The following SESN1 variants were observed in gnomAD, a reference collection of about 807,000 sequenced individuals.
The protein encoded by SESN1 is sestrin-1.
SESN1 carries 30 observed loss-of-function variants against 59.3 expected under a neutral mutation model. That is an observed-to-expected ratio of 0.51 (90% CI 0.38 to 0.69). The LOEUF (loss-of-function observed/expected upper bound fraction) is 0.69, where lower values mean the gene tolerates loss of function less well. Among genes scored for constraint, SESN1 ranks in the 30% least tolerant of loss-of-function variants. SESN1 has a pLI of 0.00. For synonymous variants in SESN1, 197 were observed against 219.9 expected (o/e 0.90, Z 0.92); for missense variants, 566 against 673.0 (o/e 0.84, Z 1.76).
In SESN1 at chr6:108,987,148, ATCT is replaced by A. The variant is rs1479110600; in HGVS notation, c.*393_*395del. On this transcript the variant is annotated 3_prime_UTR_variant, in exon 10 of 10. Coordinates refer to ENST00000436639, the MANE Select transcript of SESN1 (RefSeq NM_014454.3). ...CTCCAGCAGGAATAGCAGCACCAAG[ATCT>A]TCTAAAATTCTTTACATATAAAGCT... 6.3e-6 allele frequency: 1 copy of A among 159,624 alleles called. No individual in the cohort carries two copies. Among genetic ancestry groups the A allele is most frequent in the African/African-American group, 2.4e-5 (1 of 41,826 alleles). 9.9% of individuals were successfully genotyped at this position (159,624 alleles called of 1,614,324 possible). A position where few individuals can be genotyped will look rare whatever the true frequency, so the allele number is the denominator to read the frequency against.
At chr6:109,008,888 T>C (rs1779791759) in intron 1 of SESN1, 3 of 986,326 alleles carry the variant, frequency 3.0e-6, no homozygotes, top group Non-Finnish European at 3.6e-6. Flanking sequence ...TTTTTTTTCT[T>C]TCTCTCTCTT....
intron 1 of SESN1, among the ~76,000 whole-genome samples, chr6:109,009,158 C>T (rs1779802032): frequency 6.6e-6 from 1 of 152,218 alleles, no homozygotes; most frequent in Admixed American, 6.5e-5. Flanking sequence ...CCACCCACCG[C>T]AGGCAACCCC....
At chr6:109,089,141 C>G (rs1279720751) in intron 1 of SESN1, among the ~76,000 whole-genome samples, 1 of 152,054 alleles carries the variant, frequency 6.6e-6, no homozygotes, top group Non-Finnish European at 1.5e-5. Flanking sequence ...TTGCCAACTA[C>G]AGCCCTTTTA....
chr6:109,000,383 G>T (rs937731276), intron 4 of SESN1, 108 bp downstream of exon 4: 2 of 764,884 alleles, frequency 2.6e-6, no homozygotes, highest in Non-Finnish European at 3.9e-6. Flanking sequence ...AGATTCAGGG[G>T]GTAGAAAATA....
At chr6:109,053,887 A>G (rs1780585485) in intron 1 of SESN1, among the ~76,000 whole-genome samples, 1 of 152,234 alleles carries the variant, frequency 6.6e-6, no homozygotes, top group Non-Finnish European at 1.5e-5. Flanking sequence ...ACCCTTTAAG[A>G]TAAACCAAAT....
At chr6:109,022,831 A>G (rs1406267786) in intron 1 of SESN1, among the ~76,000 whole-genome samples, 1 of 152,208 alleles carries the variant, frequency 6.6e-6, no homozygotes, top group African/African-American at 2.4e-5. Context: ...CCAAGGCCAC[A>G]CATCAAGGGG....
intron 1 of SESN1, among the ~76,000 whole-genome samples, chr6:109,025,656 G>A (rs1312261895): frequency 6.6e-6 from 1 of 151,508 alleles, no homozygotes; most frequent in Non-Finnish European, 1.5e-5. Context: ...AGACAGATTT[G>A]AAAATGAATG....
intron 1 of SESN1, among the ~76,000 whole-genome samples, chr6:109,091,575 G>C (rs771306137): frequency 6.6e-6 from 1 of 152,114 alleles, no homozygotes; most frequent in Non-Finnish European, 1.5e-5. Context: ...CCTATGTCCG[G>C]AATGTCCCCT....
At chr6:109,017,574 C>G (rs1293792337) in intron 1 of SESN1, among the ~76,000 whole-genome samples, 1 of 152,074 alleles carries the variant, frequency 6.6e-6, no homozygotes, top group African/African-American at 2.4e-5. Flanking sequence ...TGTGAGCCAC[C>G]GCGCCCGGCC....
At position 108,998,607 on chromosome 6, in the gene SESN1, C is replaced by G. The variant is rs1349913754; in HGVS notation, c.878G>C (p.Arg293Thr). ...EIHCDGGHTF[R>T]PPSVSNYCIC... ...GCAGTAGTTGCTAACAGAAGGAGGT[C>G]TGAATGTGTGGCCACCATCACAATG... The change falls in exon 5 of 10, where the codon AGA becomes ACA. Residue 293 changes from arginine (R) to threonine (T), a missense_variant. Arg to Thr is a moderately conservative substitution (Grantham distance 71). Coordinates refer to ENST00000436639, the MANE Select transcript of SESN1 (RefSeq NM_014454.3). 6.2e-7 allele frequency: 1 copy of G among 1,613,928 alleles called. No individual in the cohort carries two copies. The highest frequency in any genetic ancestry group is 8.5e-7 in the Non-Finnish European group (1 of 1,179,838).
At chr6:109,026,943 A>G (rs9398186) in intron 1 of SESN1, among the ~76,000 whole-genome samples, 142,795 of 152,170 alleles carry the variant, frequency 0.94, 67,644 homozygotes, top group East Asian at 1. Flanking sequence ...GGAGCCCAGG[A>G]TGGATCACTT....
chr6:109,035,453 G>A (rs770808657), intron 1 of SESN1, among the ~76,000 whole-genome samples: 2 of 152,008 alleles, frequency 1.3e-5, no homozygotes, highest in Admixed American at 6.5e-5. Context: ...CTGACATATG[G>A]AGTAGGTAGG....
intron 1 of SESN1, among the ~76,000 whole-genome samples, chr6:109,010,727 T>C (rs141719941): frequency 2.4e-4 from 37 of 152,234 alleles, no homozygotes; most frequent in Non-Finnish European, 4.6e-4. Flanking sequence ...TATTTTTTAC[T>C]GGTCAAAAGA....
rs984736083 is a variant in SESN1, at chr6:109,000,609, C to T, written c.611G>A (p.Gly204Asp). ...ACCATTGAGCCACTTGGGGTCCCCACCAACATGAAGGAAATCATTTACATG... is the reference window on the plus strand; with the variant it reads ...ACCATTGAGCCACTTGGGGTCCCCATCAACATGAAGGAAATCATTTACATG... Reference protein sequence around the residue: ...NLHVNDFLHVGGDPKWLNGLE... With the variant: ...NLHVNDFLHVDGDPKWLNGLE... Residue 204 changes from glycine to aspartate, a missense_variant, in exon 4 of 10, where the codon GGT (glycine) becomes GAT (aspartate). Coordinates refer to ENST00000436639, the MANE Select transcript of SESN1 (RefSeq NM_014454.3). 2.5e-6 allele frequency: 4 copies of T among 1,611,928 alleles called. No homozygotes were observed. The highest frequency in any genetic ancestry group is 2.7e-5 in the African/African-American group (2 of 74,848).
intron 1 of SESN1, among the ~76,000 whole-genome samples, chr6:109,077,568 G>A (rs2009412399): frequency 6.6e-6 from 1 of 152,176 alleles, no homozygotes; most frequent in South Asian, 2.1e-4. Flanking sequence ...GGCATGAACT[G>A]AGTTTTGCAG....
intron 1 of SESN1, among the ~76,000 whole-genome samples, chr6:109,042,029 AGT>A (rs1303582428): frequency 6.6e-6 from 1 of 152,148 alleles, no homozygotes; most frequent in Non-Finnish European, 1.5e-5. Flanking sequence ...TCACACTAGA[AGT>A]AAATAATAGA....
At chr6:109,033,805 A>T (rs758820370) in intron 1 of SESN1, among the ~76,000 whole-genome samples, 20 of 152,226 alleles carry the variant, frequency 1.3e-4, no homozygotes, top group Non-Finnish European at 2.6e-4. Context: ...ATTTATAATA[A>T]ATTAAGAACA....
At chr6:109,022,431 T>C (rs1583275843) in intron 1 of SESN1, among the ~76,000 whole-genome samples, 2 of 140,688 alleles carry the variant, frequency 1.4e-5, no homozygotes, top group Non-Finnish European at 3.1e-5. Context: ...TTTTTTTTTT[T>C]TTTTTTTTTG....
In SESN1 at chr6:109,066,312, C is replaced by CT. The variant is rs766823032; in HGVS notation, c.279+27482dup. On this transcript the variant is annotated intron_variant, in intron 1 of 9. Transcript: ENST00000436639. ...TTTAAATCACGAAGGTTTGCTGTTT[C>CT]TTTTTTTTTTTTTTTAAAGTCACTA... 1.3e-3 allele frequency among the ~76,000 whole-genome samples: 179 copies of CT among 134,580 alleles called. 3 individuals are homozygous for CT. Among genetic ancestry groups the CT allele is most frequent in the South Asian group, 0.011 (45 of 4,122 alleles). 88.3% of individuals were successfully genotyped at this position (134,580 alleles called of 152,430 possible).
Sources: gnomAD v4.1 joint callset for allele counts (sites outside exome capture counted in the v4.1 genomes callset) on GRCh38, gnomAD v4.1.1 for gene constraint, MANE v1.5 for transcripts, NCBI Gene and HGNC (gene_info 2026-07-23, HGNC 2026-07-21) for gene names.